Variants in CDC7 observed in about 807,000 individuals in gnomAD.
The protein encoded by CDC7 is cell division cycle 7-related protein kinase.
CDC7 carries 34 observed loss-of-function variants against 53.5 expected under a neutral mutation model. The ratio of observed to expected loss-of-function variants is 0.64; its 90% CI spans 0.48 to 0.85. The LOEUF (loss-of-function observed/expected upper bound fraction) is 0.85, where lower values mean the gene tolerates loss of function less well. CDC7 is among the 40% of genes least tolerant of loss of function. The pLI, the probability that CDC7 is intolerant of heterozygous loss-of-function variation, is 0.00. For missense variants in CDC7, 594 were observed against 679.7 expected (o/e 0.87, Z 1.40); for synonymous variants, 211 against 222.8 (o/e 0.95, Z 0.47).
intron 9 of CDC7, 46 bp downstream of exon 9, chr1:91,515,043 T>A: frequency 6.5e-7 from 1 of 1,543,376 alleles, no homozygotes; most frequent in Non-Finnish European, 8.9e-7. Flanking sequence ...ATGCTGCCAT[T>A]AGAAATTGCA....
chr1:91,508,188 C>A, intron 3 of CDC7, 74 bp from the exon 4 acceptor site: 4 of 1,222,594 alleles, frequency 3.3e-6, no homozygotes, highest in Middle Eastern at 2.1e-4. Flanking sequence ...ACAGTTTTTA[C>A]AATCTATCTT....
rs368870751 is a variant in CDC7, at chr1:91,512,022, T to C, written c.572+99T>C. On this transcript the variant is annotated intron_variant, in intron 6 of 11. Coordinates refer to ENST00000234626, the MANE Select transcript of CDC7 (RefSeq NM_003503.4). ...GTATTGAACATGATGTTATATATAGTACAAAAGTTACTATTGTGAAGCAAA... is the reference window on the plus strand; with the variant it reads ...GTATTGAACATGATGTTATATATAGCACAAAAGTTACTATTGTGAAGCAAA... 1.3e-4 allele frequency: 109 copies of C among 858,204 alleles called. 1 individual carries two copies. In the East Asian group the frequency reaches 2.1e-3, roughly 16 times the overall value. The allele number at this position is 858,204 out of a possible 1,614,324, so 53.2% of individuals were successfully genotyped here. A position where few individuals can be genotyped will look rare whatever the true frequency, so the allele number is the denominator to read the frequency against.
At chr1:91,502,823 A>G (rs1028407521) in intron 2 of CDC7, among the ~76,000 whole-genome samples, 5 of 151,712 alleles carry the variant, frequency 3.3e-5, no homozygotes, top group Non-Finnish European at 7.4e-5. Flanking sequence ...GCACTTTTCC[A>G]TTCTTCAGTT....
intron 10 of CDC7, among the ~76,000 whole-genome samples, chr1:91,519,330 G>C (rs1667785141): frequency 6.7e-6 from 1 of 150,098 alleles, no homozygotes; most frequent in Non-Finnish European, 1.5e-5. Context: ...TCAAGAGGCT[G>C]AAGCATGAGA....
At chr1:91,514,488 C>T (rs1312192313) in intron 8 of CDC7, among the ~76,000 whole-genome samples, 2 of 152,206 alleles carry the variant, frequency 1.3e-5, no homozygotes, top group Non-Finnish European at 2.9e-5. Flanking sequence ...TTTTAGCCAA[C>T]GTACTTGTGC....
chr1:91,520,169 T>C lies in CDC7; in HGVS notation c.1220T>C (p.Leu407Ser). The change falls in exon 11 of 12, where the codon TTG becomes TCG. Residue 407 changes from leucine (L) to serine (S), a missense_variant. Physicochemically the swap from Leu to Ser is moderately radical, Grantham distance 145. Coordinates refer to ENST00000234626, the MANE Select transcript of CDC7 (RefSeq NM_003503.4). ...MWSAGVIFLS[L>S]LSGRYPFYKA... is the part of the protein sequence containing the mutation. The stretch of plus-strand genomic sequence containing the variant: ...TCTGCAGGTGTCATATTTCTTTCTT[T>C]GCTTAGTGGACGATATCCATTTTAT... The C allele has an allele frequency of 6.2e-7, 1 of 1,608,516 alleles. No individual in the cohort carries two copies. Among genetic ancestry groups the C allele is most frequent in the South Asian group, 1.1e-5 (1 of 89,766 alleles).
At chr1:91,502,897 G>A (rs926634219) in intron 2 of CDC7, among the ~76,000 whole-genome samples, 1 of 152,078 alleles carries the variant, frequency 6.6e-6, no homozygotes, top group African/African-American at 2.4e-5. Context: ...CATGGATACT[G>A]TTCCTCTTCC....
At chr1:91,501,128 C>T (rs766692384) in intron 1 of CDC7, 180 bp downstream of exon 1, 1 of 152,268 alleles carries the variant, frequency 6.6e-6, no homozygotes, top group African/African-American at 2.4e-5. Context: ...GTCTCTGGCC[C>T]GAGGGAAGCC....
At chr1:91,511,546 TC>T (rs746791289) in intron 4 of CDC7, 50 bp from the exon 5 acceptor site, 78 of 1,182,624 alleles carry the variant, frequency 6.6e-5, no homozygotes, top group Middle Eastern at 3.9e-4. Flanking sequence ...GCATAAAGTT[TC>T]AGTCCCTCTG....
intron 2 of CDC7, among the ~76,000 whole-genome samples, chr1:91,506,103 G>A (rs1666973245): frequency 6.6e-6 from 1 of 152,072 alleles, no homozygotes; most frequent in African/African-American, 2.4e-5. Context: ...AAACTCCTGG[G>A]CTCAAGGTAT....
At chr1:91,510,710 A>G (rs1226943484) in intron 4 of CDC7, among the ~76,000 whole-genome samples, 1 of 152,056 alleles carries the variant, frequency 6.6e-6, no homozygotes, top group Non-Finnish European at 1.5e-5. Context: ...CAGTCAGGCA[A>G]ATTGTCTTCA....
intron 2 of CDC7, among the ~76,000 whole-genome samples, chr1:91,506,548 G>T (rs955450190): frequency 3.3e-5 from 5 of 152,146 alleles, no homozygotes; most frequent in Non-Finnish European, 1.5e-5. Flanking sequence ...TATTAAGAAT[G>T]ATAACATGTT....
rs539320135 is a variant in CDC7 at position 91,511,913 on chromosome 1, C to T, written c.562C>T (p.Arg188Cys). 55 of 1,573,832 alleles carry T rather than the reference C, an allele frequency of 3.5e-5. No individual in the cohort carries two copies. Among genetic ancestry groups the T allele is most frequent in the East Asian group, 9.1e-5 (4 of 44,148 alleles). ...GCCCAGCAATTTTTTATATAATAGGCGCCTGAAAAAGTAAGTATGAAGAGT... is the reference window on the plus strand; with the variant it reads ...GCCCAGCAATTTTTTATATAATAGGTGCCTGAAAAAGTAAGTATGAAGAGT... ...VKPSNFLYNR[R>C]LKKYALVDFG... Residue 188 changes from arginine to cysteine, a missense_variant, in exon 6 of 12, where the codon CGC (arginine) becomes TGC (cysteine). By Grantham distance (180) the Arg-to-Cys change is radical (BLOSUM62 -3). Transcript: ENST00000234626.
intron 4 of CDC7, among the ~76,000 whole-genome samples, 198 bp from the exon 5 acceptor site, chr1:91,511,399 A>G (rs551503336): frequency 6.6e-6 from 1 of 152,232 alleles, no homozygotes; most frequent in South Asian, 2.1e-4. Context: ...TAACTTCAAA[A>G]CTGGTGCCAT....
chr1:91,511,974 C>T (rs1165708151), intron 6 of CDC7, 51 bp downstream of exon 6: 1 of 1,332,894 alleles, frequency 7.5e-7, no homozygotes, highest in East Asian at 2.5e-5. Flanking sequence ...TTTTAAAAAA[C>T]AATTTTATTG....
At chr1:91,512,900 T>G (rs1667354722) in intron 6 of CDC7, among the ~76,000 whole-genome samples, 158 bp from the exon 7 acceptor site, 6 of 152,176 alleles carry the variant, frequency 3.9e-5, no homozygotes, top group Admixed American at 2.6e-4. Flanking sequence ...TTACTTTGTC[T>G]GGAAAACTTA....
intron 10 of CDC7, among the ~76,000 whole-genome samples, chr1:91,517,957 G>A (rs1444760905): frequency 6.6e-6 from 1 of 151,856 alleles, no homozygotes; most frequent in Admixed American, 6.6e-5. Flanking sequence ...AATTAGCAGG[G>A]CATGGTGGCA....
intron 11 of CDC7, among the ~76,000 whole-genome samples, chr1:91,522,175 TAATAAA>T (rs1347433243): frequency 1.3e-5 from 2 of 151,992 alleles, no homozygotes; most frequent in African/African-American, 4.8e-5. Flanking sequence ...AAAAAACAAA[TAATAAA>T]AATAATGCCA....
chr1:91,515,963 A>T, intron 10 of CDC7, 87 bp downstream of exon 10: 2 of 1,088,502 alleles, frequency 1.8e-6, no homozygotes, highest in Admixed American at 4.0e-5. Context: ...TTTATAACTA[A>T]TATTTGAGTT....
Sources: allele counts gnomAD v4.1 joint callset (sites outside exome capture counted in the v4.1 genomes callset), GRCh38; gene constraint gnomAD v4.1.1; transcripts MANE v1.5; gene names NCBI Gene and HGNC (gene_info 2026-07-23, HGNC 2026-07-21).